DCDC1: variants seen among roughly 807,000 people sequenced by gnomAD.
The protein encoded by DCDC1 is doublecortin domain containing 1.
DCDC1 carries 200 observed loss-of-function variants against 178.3 expected under a neutral mutation model. That is an observed-to-expected ratio of 1.12 (90% confidence interval 1.00 to 1.26). The LOEUF is 1.26. Ranked by LOEUF, DCDC1 falls within the 50% of genes most tolerant of loss-of-function variation. DCDC1 has a pLI of 0.00. For synonymous variants in DCDC1, 690 were observed against 604.8 expected, an observed-to-expected ratio of 1.14 and a Z score of -2.07; for missense variants, 1,983 against 1,749.2, an observed-to-expected ratio of 1.13 and a Z score of -2.38.
At chr11:31,071,236 G>C (rs1162903778) in intron 18 of DCDC1, among the ~76,000 whole-genome samples, 2 of 151,842 alleles carry the variant, frequency 1.3e-5, no homozygotes, top group Admixed American at 6.6e-5. Flanking sequence ...GCCAACATTT[G>C]GTATTCATAA....
chr11:31,187,764 T>C (rs1166217822), intron 9 of DCDC1, among the ~76,000 whole-genome samples: 1 of 152,194 alleles, frequency 6.6e-6, no homozygotes, highest in African/African-American at 2.4e-5. Context: ...CAATATTTGT[T>C]TCATTGTTTA....
intron 8 of DCDC1, among the ~76,000 whole-genome samples, chr11:31,257,137 T>C (rs1245258311): frequency 3.3e-5 from 5 of 152,184 alleles, no homozygotes; most frequent in African/African-American, 7.2e-5. Flanking sequence ...TCTACATGCA[T>C]GATGGTGAGG....
At chr11:31,159,355 T>C (rs764691775) in intron 9 of DCDC1, among the ~76,000 whole-genome samples, 8 of 152,198 alleles carry the variant, frequency 5.3e-5, no homozygotes, top group Non-Finnish European at 8.8e-5. Context: ...CACTCTGTGA[T>C]TTTTAAGTAC....
chr11:31,202,048 T>G (rs901585237), intron 9 of DCDC1, among the ~76,000 whole-genome samples: 2 of 152,178 alleles, frequency 1.3e-5, no homozygotes, highest in Non-Finnish European at 2.9e-5. Context: ...GAATATACAA[T>G]GTGAATTTTT....
At chr11:31,000,813 C>G (rs1029525730) in intron 20 of DCDC1, among the ~76,000 whole-genome samples, 1 of 151,356 alleles carries the variant, frequency 6.6e-6, no homozygotes, top group Non-Finnish European at 1.5e-5. Flanking sequence ...TACTTTTTTG[C>G]TACTTATTTA....
intron 20 of DCDC1, among the ~76,000 whole-genome samples, chr11:31,037,504 C>T (rs189887558): frequency 6.6e-6 from 1 of 150,566 alleles, no homozygotes; most frequent in Non-Finnish European, 1.5e-5. Context: ...GCGATCTCGG[C>T]TCACTGCAAG....
At chr11:31,090,513 A>G (rs1308390638) in intron 17 of DCDC1, among the ~76,000 whole-genome samples, 2 of 152,206 alleles carry the variant, frequency 1.3e-5, no homozygotes, top group African/African-American at 4.8e-5. Context: ...AAAATTTGAC[A>G]ATGAGATTTA....
rs553398712 is a variant in DCDC1 at position 30,913,054 on chromosome 11, G to A, written c.3654-1634C>T. Among the ~76,000 whole-genome samples the A allele has an allele frequency of 1.1e-4, 16 of 152,234 alleles. No individual in the cohort carries two copies. The East Asian group carries it at 2.7e-3, about 26-fold the overall frequency. ...TGCAATAAACCTCAGAATTACTGTC[G>A]CTGTACAAACACACTTCTGCCATGG... On this transcript the variant is annotated intron_variant, in intron 27 of 38. Transcript: ENST00000684477.
chr11:31,288,591 T>A (rs1947007090), intron 7 of DCDC1, among the ~76,000 whole-genome samples: 1 of 151,930 alleles, frequency 6.6e-6, no homozygotes, highest in Non-Finnish European at 1.5e-5. Flanking sequence ...TCAATAAATC[T>A]CTTCTTATCT....
chr11:31,254,817 C>A (rs1944303230), intron 8 of DCDC1, among the ~76,000 whole-genome samples: 1 of 152,130 alleles, frequency 6.6e-6, no homozygotes, highest in Non-Finnish European at 1.5e-5. Flanking sequence ...AACATAAAAT[C>A]AACCATTTTA....
chr11:31,187,740 TA>T (rs374424467), intron 9 of DCDC1, among the ~76,000 whole-genome samples: 3 of 152,102 alleles, frequency 2.0e-5, no homozygotes, highest in Non-Finnish European at 4.4e-5. Flanking sequence ...CAGAGCTGGT[TA>T]AAAAAAATCC....
chr11:31,062,470 G>A (rs1955987226), intron 20 of DCDC1, among the ~76,000 whole-genome samples: 1 of 152,118 alleles, frequency 6.6e-6, no homozygotes, highest in Non-Finnish European at 1.5e-5. Flanking sequence ...TGGTCCTATT[G>A]TAGATGGAGC....
rs748797350 is a variant in DCDC1 at position 30,911,365 on chromosome 11, T to A, written c.3709A>T (p.Thr1237Ser). Residue 1237 changes from threonine (T) to serine (S), a missense_variant, in exon 28 of 39, where the codon ACT becomes TCT. Thr to Ser is a moderately conservative substitution (Grantham distance 58, BLOSUM62 1). Coordinates refer to ENST00000684477, the MANE Select transcript of DCDC1 (RefSeq NM_001387274.1). ...DLVLAVSMTK[T>S]RNEVCGYPVI... is the part of the protein sequence containing the mutation. ...GGATAGCCACAAACTTCATTTCTAG[T>A]CTTGGTCATAGACACTGCCAGCACA... The A allele has an allele frequency of 1.0e-5, 16 of 1,606,144 alleles. No individual in the cohort carries two copies. Among genetic ancestry groups the A allele is most frequent in the Non-Finnish European group, 1.4e-5 (16 of 1,176,274 alleles).
intron 20 of DCDC1, among the ~76,000 whole-genome samples, chr11:30,957,137 C>T (rs1272948234): frequency 2.0e-5 from 3 of 152,128 alleles, no homozygotes; most frequent in African/African-American, 4.8e-5. Flanking sequence ...GCTTGTGCCT[C>T]GGACCCTTAT....
At chr11:30,977,017 T>C (rs1369985911) in intron 20 of DCDC1, among the ~76,000 whole-genome samples, 1 of 152,172 alleles carries the variant, frequency 6.6e-6, no homozygotes, top group Non-Finnish European at 1.5e-5. Flanking sequence ...AATGAAATCA[T>C]GTCATTTGCA....
chr11:31,053,051 T>C (rs1278637090), intron 20 of DCDC1, among the ~76,000 whole-genome samples: 2 of 152,122 alleles, frequency 1.3e-5, no homozygotes, highest in Non-Finnish European at 2.9e-5. Flanking sequence ...AAAAGCTGGT[T>C]CTTTGAGAAG....
rs1555112907 is a variant in DCDC1 at position 31,195,780 on chromosome 11, C to T, written c.1221+45670G>A. ...CATAAATATTTTTGTTTTTTTTTAC[C>T]TTCGTGTACCTCGTGCCTAACAGCT... On this transcript the variant is annotated intron_variant, in intron 9 of 38. Transcript: ENST00000684477. Among the ~76,000 whole-genome samples, 14 of 151,100 alleles carry T rather than the reference C, an allele frequency of 9.3e-5. No homozygotes were observed. The South Asian group carries it at 2.7e-3, about 29-fold the overall frequency.
chr11:31,027,067 T>A (rs1406123353), intron 20 of DCDC1, among the ~76,000 whole-genome samples: 1 of 151,790 alleles, frequency 6.6e-6, no homozygotes, highest in African/African-American at 2.4e-5. Flanking sequence ...ACATAAGTAC[T>A]AACCAAACCA....
intron 8 of DCDC1, among the ~76,000 whole-genome samples, chr11:31,253,241 A>G (rs757990926): frequency 1.3e-5 from 2 of 152,098 alleles, no homozygotes; most frequent in Non-Finnish European, 2.9e-5. Flanking sequence ...ATCTCTCACT[A>G]TGTTTTAGGC....
Sources: allele counts gnomAD v4.1 joint callset (sites outside exome capture counted in the v4.1 genomes callset), GRCh38; gene constraint gnomAD v4.1.1; transcripts MANE v1.5; gene names NCBI Gene and HGNC (gene_info 2026-07-23, HGNC 2026-07-21).